SEC16A: variants seen among roughly 807,000 people sequenced by gnomAD.
SEC16A encodes SEC16 homolog A, endoplasmic reticulum export factor, also known as protein transport protein Sec16A.
Under a neutral mutation model 221.9 loss-of-function variants are expected in SEC16A, and 110 were observed. The ratio of observed to expected loss-of-function variants is 0.50; its 90% confidence interval spans 0.42 to 0.58. The LOEUF (loss-of-function observed/expected upper bound fraction) is 0.58. Among genes scored for constraint, SEC16A ranks in the 20% least tolerant of loss-of-function variants. SEC16A has a pLI of 0.00. For synonymous variants in SEC16A, 1,393 were observed against 1,257.7 expected (o/e 1.11, Z -2.28); for missense variants, 3,165 against 3,097.8 (o/e 1.02, Z -0.52).
At position 136,466,933 on chromosome 9, in the gene SEC16A, C is replaced by T. The variant is rs752512755; in HGVS notation, c.3929+24G>A. The T allele has an allele frequency of 6.2e-6, 10 of 1,605,622 alleles. 1 individual carries two copies. In the Admixed American group the frequency reaches 1.0e-4, roughly 16 times the overall value. On this transcript the variant is annotated intron_variant, in intron 6 of 31. Transcript: ENST00000684901. This position sits in a 1 kb window ranked among gnomAD's most constrained non-coding sequence, Gnocchi z 5.5. ...GCGCCCTGGCTGCCCCCAGCCTCTG[C>T]CTCCCCAGGGGTGCTCCACCAACCT... is the stretch of plus-strand genomic sequence containing the variant.
In SEC16A at chr9:136,477,252, T is replaced by C; in HGVS notation, c.364A>G (p.Ser122Gly). ...GPLTQPRAHA[S>G]PFSGALTPSA... Reference sequence around the variant, plus strand: ...GGTGTCAATGCACCAGAAAACGGACTGGCATGTGCTCTGGGCTGTGTCAGA... The same window carrying C: ...GGTGTCAATGCACCAGAAAACGGACCGGCATGTGCTCTGGGCTGTGTCAGA... Residue 122 changes from serine to glycine, a missense_variant, in exon 3 of 32, where the codon AGT (serine) becomes GGT (glycine). Coordinates refer to ENST00000684901, the MANE Select transcript of SEC16A (RefSeq NM_014866.2). 1 of 1,613,916 alleles carries C rather than the reference T, an allele frequency of 6.2e-7. No individual in the cohort carries two copies. The highest frequency in any genetic ancestry group is 8.5e-7 in the Non-Finnish European group (1 of 1,179,888).
chr9:136,459,636 A>T lies in SEC16A; in HGVS notation c.5192-81T>A, dbSNP rs909549638. 10 of 1,358,424 alleles carry T rather than the reference A, an allele frequency of 7.4e-6. No individual in the cohort carries two copies. The highest frequency in any genetic ancestry group is 1.0e-5 in the Non-Finnish European group (10 of 976,906). 84.1% of individuals were successfully genotyped at this position (1,358,424 alleles called of 1,614,324 possible). On this transcript the variant is annotated intron_variant, in intron 15 of 31. Coordinates refer to ENST00000684901, the MANE Select transcript of SEC16A (RefSeq NM_014866.2). The surrounding 1 kb of genome is among the most constrained non-coding windows in gnomAD (Gnocchi z 6.1). ...GAAGTCAAGGACGCGCACAGAAGGC[A>T]CCAGAGACGCCAGCCGGACCGAGAA...
Position 136,477,563 on chromosome 9 carries a change from G to C in SEC16A, c.53C>G (p.Ala18Gly), listed in dbSNP as rs746750207. The change falls in exon 3 of 32, where the codon GCC (alanine) becomes GGC (glycine). Residue 18 changes from alanine (A) to glycine (G), a missense_variant. Around this residue, in one of 3 missense-constraint regions of SEC16A, gnomAD observed 2,030 missense variants for 1,923.1 expected, o/e 1.06. Transcript: ENST00000684901. Reference protein sequence around the residue: ...VPSGMAGPPPAGNPRSVFWAS... With the variant: ...VPSGMAGPPPGGNPRSVFWAS... ...CCAGAACACGCTCCGAGGATTCCCG[G>C]CTGGAGGTGGCCCAGCCATGCCAGA... 15 of 1,612,846 alleles carry C rather than the reference G, an allele frequency of 9.3e-6. No homozygotes were observed. The highest frequency in any genetic ancestry group is 1.3e-5 in the Non-Finnish European group (15 of 1,179,688).
rs376602109 is a variant in SEC16A, at chr9:136,460,114, G to A, written c.5001C>T (p.Asn1667=). The change falls in exon 14 of 32, where the codon AAC becomes AAT. Residue 1667 remains asparagine, a synonymous_variant. Transcript: ENST00000684901. The stretch of plus-strand genomic sequence containing the variant: ...GCAGAGGGTCGTTGATTGGGAGGCT[G>A]TTAGCAAACCTAGGCAGACATAAAC... ...THARVMTRFA[N]SLPINDPLQT... The A allele has an allele frequency of 9.7e-5, 155 of 1,605,388 alleles. No homozygotes were observed. Among genetic ancestry groups the A allele is most frequent in the Non-Finnish European group, 1.2e-4 (143 of 1,175,854 alleles).
rs951213768 is a variant in SEC16A at position 136,466,341 on chromosome 9, C to T, written c.4051G>A (p.Glu1351Lys). 8 of 1,576,348 alleles carry T rather than the reference C, an allele frequency of 5.1e-6. No individual in the cohort carries two copies. Among genetic ancestry groups the T allele is most frequent in the Non-Finnish European group, 6.0e-6 (7 of 1,161,312 alleles). ...EEVDRRSVHS[E>K]HSARSLHSAH... ...CTGTGCAGGCTCCGTGCCGAGTGCTCGCTGTGGACGCTGCGCCGGTCCACC... is the reference window on the plus strand; with the variant it reads ...CTGTGCAGGCTCCGTGCCGAGTGCTTGCTGTGGACGCTGCGCCGGTCCACC... The change falls in exon 7 of 32, where the codon GAG becomes AAG. Residue 1351 changes from glutamate to lysine, a missense_variant. Glu to Lys is a moderately conservative substitution (Grantham distance 56, BLOSUM62 1). Around this residue, in one of 3 missense-constraint regions of SEC16A, gnomAD observed 2,030 missense variants for 1,923.1 expected, o/e 1.06. Transcript: ENST00000684901. The surrounding 1 kb of genome is among the most constrained non-coding windows in gnomAD (Gnocchi z 5.5).
chr9:136,483,239 C>T (rs7032737), upstream of SEC16A, among the ~76,000 whole-genome samples: 1 of 123,196 alleles, frequency 8.1e-6, no homozygotes, highest in Non-Finnish European at 1.8e-5. Context: ...CCTCTGCCCC[C>T]GCCCCTCGCC....
At position 136,455,609 on chromosome 9, in the gene SEC16A, A is replaced by C; in HGVS notation, c.5849T>G (p.Leu1950Arg). 6.4e-7 allele frequency: 1 copy of C among 1,565,338 alleles called. No individual in the cohort carries two copies. Among genetic ancestry groups the C allele is most frequent in the Non-Finnish European group, 8.6e-7 (1 of 1,157,984 alleles). ...PEHSSPSVRL[L>R]PSAPQTLPDG... ...CGCGCACCTGGGCTCACCTGAGGGC[A>C]GCAGCCGCACGCTCGGGCTCGAGTG... Residue 1950 changes from leucine to arginine, a missense_variant, in exon 20 of 32, where the codon CTG (leucine) becomes CGG (arginine). Leu to Arg is a moderately radical substitution (Grantham distance 102). Around this residue, in one of 3 missense-constraint regions of SEC16A, gnomAD observed 1,088 missense variants for 1,089.6 expected, o/e 1.00. Transcript: ENST00000684901.
upstream of SEC16A, chr9:136,483,860 C>A (rs1842716482): frequency 3.2e-6 from 3 of 950,634 alleles, no homozygotes; most frequent in South Asian, 4.9e-5. Flanking sequence ...ACTGCGCCTG[C>A]GCGCTGGTTG....
rs773883647 is a variant in SEC16A at position 136,447,652 on chromosome 9, G to A, written c.6476C>T (p.Ser2159Leu). ...EKKAPPPPPT[S>L]MPKTVQAAPP... ...GGCAGCTTGCACAGTCTTGGGCATCGAGGTTGGAGGTGGGGGCGGGGCTTT... is the reference window on the plus strand; with the variant it reads ...GGCAGCTTGCACAGTCTTGGGCATCAAGGTTGGAGGTGGGGGCGGGGCTTT... Residue 2159 changes from serine to leucine, a missense_variant, in exon 26 of 32, where the codon TCG becomes TTG. Around this residue, in one of 3 missense-constraint regions of SEC16A, gnomAD observed 1,088 missense variants for 1,089.6 expected, o/e 1.00. Coordinates refer to ENST00000684901, the MANE Select transcript of SEC16A (RefSeq NM_014866.2). This position sits in a 1 kb window ranked among gnomAD's most constrained non-coding sequence, Gnocchi z 5.5. 39 of 1,612,914 alleles carry A rather than the reference G, an allele frequency of 2.4e-5. 1 individual carries two copies. The highest frequency in any genetic ancestry group is 3.3e-4 in the Middle Eastern group (2 of 6,080).
At position 136,474,163 on chromosome 9, in the gene SEC16A, T is replaced by G. The variant is rs1588997409; in HGVS notation, c.3453A>C (p.Pro1151=). 6.2e-7 allele frequency: 1 copy of G among 1,613,162 alleles called. No homozygotes were observed. Among genetic ancestry groups the G allele is most frequent in the Non-Finnish European group, 8.5e-7 (1 of 1,179,858 alleles). ...AGTAGGCGGCCAGGTCCTGAGGCGG[T>G]GGGCCGGGGGCAAGTGCAGGCACTG... is the stretch of plus-strand genomic sequence containing the variant. ...PQPVPALAPG[P]PPQDLAAYYY... is the part of the protein sequence containing the mutation. The change falls in exon 3 of 32, where the codon CCA becomes CCC. Residue 1151 remains proline, a synonymous_variant. Transcript: ENST00000684901.
At chr9:136,449,596 A>G (rs1435776036) in intron 23 of SEC16A, among the ~76,000 whole-genome samples, 2 of 152,200 alleles carry the variant, frequency 1.3e-5, no homozygotes, top group Non-Finnish European at 2.9e-5. Flanking sequence ...CCGGCCTCCC[A>G]GAGTGCTGGG....
rs554243028 is a variant in SEC16A, at chr9:136,449,867, A to G, written c.6312+1389T>C. On this transcript the variant is annotated intron_variant, in intron 23 of 31. Transcript: ENST00000684901. The stretch of plus-strand genomic sequence containing the variant: ...ACAGCAGCCATAAAAGAAAAATCTG[A>G]TCACTGAACTTTATTAAAATGAAGA... Among the ~76,000 whole-genome samples the G allele has an allele frequency of 2.9e-4, 44 of 152,304 alleles. 1 individual carries two copies. Among genetic ancestry groups the G allele is most frequent in the African/African-American group, 1.0e-3 (42 of 41,562 alleles).
intron 3 of SEC16A, among the ~76,000 whole-genome samples, chr9:136,473,547 C>T (rs1023441410): frequency 6.6e-6 from 1 of 152,238 alleles, no homozygotes; most frequent in African/African-American, 2.4e-5. Flanking sequence ...TGCGGGACTC[C>T]GCCTCGCTTA....
upstream of SEC16A, chr9:136,483,677 C>G (rs1228720306): frequency 1.0e-6 from 1 of 985,438 alleles, no homozygotes; most frequent in Non-Finnish European, 1.2e-6. Context: ...TCTGCAGGAC[C>G]GATGCCAGCA....
In SEC16A at chr9:136,441,614, G is replaced by A. The variant is rs1473190234; in HGVS notation, c.*141C>T. 1 of 649,886 alleles carries A rather than the reference G, an allele frequency of 1.5e-6. No homozygotes were observed. Among genetic ancestry groups the A allele is most frequent in the African/African-American group, 1.8e-5 (1 of 55,952 alleles). 40.3% of individuals were successfully genotyped at this position (649,886 alleles called of 1,614,324 possible). A position where few individuals can be genotyped will look rare whatever the true frequency, so the allele number is the denominator to read the frequency against. ...ATAATTCATTACGATGGGCGGTGAG[G>A]AGGGAGGCACAGTGTGCGACCAGCT... On this transcript the variant is annotated 3_prime_UTR_variant, in exon 32 of 32. Transcript: ENST00000684901.
chr9:136,476,014 T>C lies in SEC16A; in HGVS notation c.1602A>G (p.Ser534=), dbSNP rs1370669592. 2 of 1,613,212 alleles carry C rather than the reference T, an allele frequency of 1.2e-6. No homozygotes were observed. The highest frequency in any genetic ancestry group is 2.2e-5 in the East Asian group (1 of 44,866). Residue 534 remains serine (S), a synonymous_variant, in exon 3 of 32, where the codon TCA becomes TCG. Coordinates refer to ENST00000684901, the MANE Select transcript of SEC16A (RefSeq NM_014866.2). ...CCAGCTCCTGGGGCCTGGCTGAGCC[T>C]GAGAGCCTTCCGTGGCTTCTGCTGC... is the stretch of plus-strand genomic sequence containing the variant. ...SYSSRSHGRL[S]GSARPQELVG...
chr9:136,473,114 G>T (rs36101132), intron 3 of SEC16A, among the ~76,000 whole-genome samples: 1 of 152,282 alleles, frequency 6.6e-6, no homozygotes, highest in South Asian at 2.1e-4. Context: ...AGGCCCATGG[G>T]GGAGGCCCAG....
Position 136,481,089 on chromosome 9 carries a change from A to G in SEC16A, c.-192+1849T>C, listed in dbSNP as rs181837559. Among the ~76,000 whole-genome samples the G allele has an allele frequency of 2.0e-5, 3 of 150,024 alleles. No individual in the cohort carries two copies. In the East Asian group the frequency reaches 5.9e-4, roughly 29 times the overall value. ...TACTCACCAGGAGAAAAACAATGCA[A>G]CTGCCTATCACCTATGTCACCACTA... On this transcript the variant is annotated intron_variant, in intron 1 of 31. Coordinates refer to ENST00000684901, the MANE Select transcript of SEC16A (RefSeq NM_014866.2).
chr9:136,483,921 T>C (rs891456005), upstream of SEC16A: 1 of 427,688 alleles, frequency 2.3e-6, no homozygotes, highest in Non-Finnish European at 3.1e-6. Context: ...AGTTGGTCGA[T>C]GGCTGCCGCC....
Sources: gnomAD v4.1 joint callset for allele counts (sites outside exome capture counted in the v4.1 genomes callset) on GRCh38, gnomAD v4.1.1 for gene constraint, gnomAD v4.1.1 regional missense constraint, Gnocchi (gnomAD v3.1) non-coding constraint, MANE v1.5 for transcripts, NCBI Gene and HGNC (gene_info 2026-07-23, HGNC 2026-07-21) for gene names.